The following CEP112 variants were observed in gnomAD, a reference collection of about 807,000 sequenced individuals.
CEP112 encodes the protein centrosomal protein 112.
A neutral mutation model predicts 153.0 loss-of-function variants in CEP112; 127 were observed. That is an observed-to-expected ratio of 0.83 (90% CI 0.72 to 0.96). The LOEUF is 0.96. Among genes scored for constraint, CEP112 ranks in the 40% least tolerant of loss-of-function variants. The pLI is 0.00. For missense variants in CEP112, 1,089 were observed against 1,101.2 expected (o/e 0.99, Z 0.16); for synonymous variants, 358 against 374.4 (o/e 0.96, Z 0.51).
intron 17 of CEP112, among the ~76,000 whole-genome samples, chr17:66,004,192 C>A (rs11079621): frequency 0.41 from 62,362 of 151,686 alleles, 14,280 homozygotes; most frequent in East Asian, 0.87. Flanking sequence ...TTAAAAAAAG[C>A]AAGACTGGGC....
At chr17:65,761,188 C>A (rs935084550) in intron 21 of CEP112, among the ~76,000 whole-genome samples, 8 of 151,832 alleles carry the variant, frequency 5.3e-5, no homozygotes, top group Admixed American at 1.3e-4. Context: ...TTTCAAAGAA[C>A]CAGCTTTTGG....
At chr17:66,032,352 GAAAAA>G (rs56144670) in intron 12 of CEP112, among the ~76,000 whole-genome samples, 2 of 146,538 alleles carry the variant, frequency 1.4e-5, no homozygotes, top group African/African-American at 2.5e-5. Context: ...GAAACCAAGT[GAAAAA>G]AAAAAAAAAA....
intron 12 of CEP112, among the ~76,000 whole-genome samples, chr17:66,047,075 A>G (rs1316242013): frequency 1.3e-5 from 2 of 151,802 alleles, no homozygotes; most frequent in Non-Finnish European, 2.9e-5. Context: ...AAACTGGCCA[A>G]CTTTCGGTTT....
At chr17:66,088,127 CA>C (rs2068009329) in intron 8 of CEP112, among the ~76,000 whole-genome samples, 1 of 151,992 alleles carries the variant, frequency 6.6e-6, no homozygotes, top group Non-Finnish European at 1.5e-5. Flanking sequence ...ACTTCAGCTC[CA>C]CCCCAGAGCC....
At chr17:65,987,087 G>C (rs1315127779) in intron 17 of CEP112, among the ~76,000 whole-genome samples, 1 of 151,970 alleles carries the variant, frequency 6.6e-6, no homozygotes, top group Non-Finnish European at 1.5e-5. Context: ...TATAAACACA[G>C]AATAAAAATA....
chr17:65,872,848 T>C (rs935254495), intron 20 of CEP112: 1 of 152,204 alleles, frequency 6.6e-6, no homozygotes, highest in African/African-American at 2.4e-5. Context: ...TCTAAAAACA[T>C]TCCGCAATTA....
At chr17:66,126,125 T>C (rs890721369) in intron 6 of CEP112, among the ~76,000 whole-genome samples, 10 of 152,228 alleles carry the variant, frequency 6.6e-5, no homozygotes, top group African/African-American at 2.4e-4. Context: ...TGAATGTTAA[T>C]ATTATATGCC....
At chr17:65,912,621 C>A (rs544432457) in intron 19 of CEP112, among the ~76,000 whole-genome samples, 1 of 152,284 alleles carries the variant, frequency 6.6e-6, no homozygotes, top group East Asian at 1.9e-4. Flanking sequence ...GCTGAAGTAG[C>A]ATGGAAGTAA....
At position 66,163,116 on chromosome 17, in the gene CEP112, C is replaced by T. The variant is rs531367437; in HGVS notation, c.470+11928G>A. Among the ~76,000 whole-genome samples the T allele has an allele frequency of 7.2e-5, 11 of 152,128 alleles. No individual in the cohort carries two copies. The South Asian group carries it at 1.7e-3, about 23-fold the overall frequency. ...CTCTCAAGCAAAGGGAAGAGGCAATCGGAGAAGGGTACCCAGCGGTCTTCT... is the reference window on the plus strand; with the variant it reads ...CTCTCAAGCAAAGGGAAGAGGCAATTGGAGAAGGGTACCCAGCGGTCTTCT... On this transcript the variant is annotated intron_variant, in intron 4 of 26. Transcript: ENST00000535342.
intron 20 of CEP112, among the ~76,000 whole-genome samples, chr17:65,898,871 C>T (rs147776327): frequency 9.9e-5 from 15 of 152,168 alleles, no homozygotes; most frequent in South Asian, 2.1e-4. Flanking sequence ...ACAATCTCTA[C>T]GGTAGTCACA....
chr17:66,042,848 A>G (rs920057364), intron 12 of CEP112, among the ~76,000 whole-genome samples: 3 of 152,182 alleles, frequency 2.0e-5, no homozygotes, highest in Non-Finnish European at 4.4e-5. Context: ...CTATTAAAAA[A>G]AAGTGTCTAT....
At chr17:66,045,977 A>G (rs1399248342) in intron 12 of CEP112, among the ~76,000 whole-genome samples, 3 of 152,254 alleles carry the variant, frequency 2.0e-5, no homozygotes, top group African/African-American at 7.2e-5. Context: ...CCACAACAGA[A>G]TAAATGCAAA....
At chr17:66,057,451 T>C (rs186470874) in intron 11 of CEP112, among the ~76,000 whole-genome samples, 1 of 152,090 alleles carries the variant, frequency 6.6e-6, no homozygotes, top group African/African-American at 2.4e-5. Context: ...AAAAAGGAAA[T>C]ACCCATTTTA....
At chr17:65,799,827 C>T (rs2055157844) in intron 21 of CEP112, among the ~76,000 whole-genome samples, 1 of 152,234 alleles carries the variant, frequency 6.6e-6, no homozygotes, top group Non-Finnish European at 1.5e-5. Context: ...CACACACACA[C>T]TGGCACCCAC....
At chr17:66,120,105 G>A (rs1349799031) in intron 6 of CEP112, among the ~76,000 whole-genome samples, 1 of 152,126 alleles carries the variant, frequency 6.6e-6, no homozygotes, top group Non-Finnish European at 1.5e-5. Context: ...CCCTCTTCCG[G>A]TGGAGATGGT....
intron 4 of CEP112, among the ~76,000 whole-genome samples, chr17:66,133,097 AAAG>A (rs1397313105): frequency 1.3e-5 from 2 of 151,950 alleles, no homozygotes; most frequent in Non-Finnish European, 2.9e-5. Context: ...CAAAAAAAAA[AAAG>A]AAAAGAAATA....
intron 20 of CEP112, among the ~76,000 whole-genome samples, chr17:65,860,559 T>C (rs1186764474): frequency 1.3e-5 from 2 of 152,012 alleles, no homozygotes; most frequent in Non-Finnish European, 2.9e-5. Flanking sequence ...CAGAAAAAAA[T>C]TGACCAATGA....
chr17:65,785,884 G>A lies in CEP112; in HGVS notation c.2395-35160C>T, dbSNP rs534575368. 3.2e-4 allele frequency among the ~76,000 whole-genome samples: 48 copies of A among 152,064 alleles called. 1 individual carries two copies. Among genetic ancestry groups the A allele is most frequent in the Middle Eastern group, 3.4e-3 (1 of 294 alleles). On this transcript the variant is annotated intron_variant, in intron 21 of 26. Coordinates refer to ENST00000535342, the MANE Select transcript of CEP112 (RefSeq NM_001199165.4). ...GTTGAGCTTTACTCTTTTGCATATG[G>A]ATATCTAGTTGTCCCAGCACTATTT...
intron 21 of CEP112, among the ~76,000 whole-genome samples, chr17:65,833,400 A>G (rs776270423): frequency 8.5e-5 from 13 of 152,188 alleles, no homozygotes; most frequent in Non-Finnish European, 2.9e-5. Flanking sequence ...CGAATAAGAA[A>G]AGAGGAAGTC....
Sources: allele counts gnomAD v4.1 joint callset (sites outside exome capture counted in the v4.1 genomes callset), GRCh38; gene constraint gnomAD v4.1.1; transcripts MANE v1.5; gene names NCBI Gene and HGNC (gene_info 2026-07-23, HGNC 2026-07-21).